GRIN2B: variants seen among roughly 807,000 people sequenced by gnomAD.
GRIN2B encodes the protein glutamate ionotropic receptor NMDA type subunit 2B.
A neutral mutation model predicts 114.5 loss-of-function variants in GRIN2B; 5 were observed. The ratio of observed to expected loss-of-function variants is 0.04; its 90% CI spans 0.02 to 0.09. The LOEUF is 0.09. Ranked by LOEUF, GRIN2B falls within the 10% of genes least tolerant of loss-of-function variation. GRIN2B has a pLI of 1.00. For synonymous variants in GRIN2B, 787 were observed against 745.1 expected (o/e 1.06, Z -0.92); for missense variants, 1,108 against 1,943.5 (o/e 0.57, Z 8.08).
chr12:13,911,043 A>G (rs1233595299), intron 2 of GRIN2B, among the ~76,000 whole-genome samples: 1 of 152,026 alleles, frequency 6.6e-6, no homozygotes, highest in Non-Finnish European at 1.5e-5. Flanking sequence ...TCCCTGGACC[A>G]GGCCCTTTCT....
At chr12:13,765,056 C>T (rs908137199) in intron 3 of GRIN2B, among the ~76,000 whole-genome samples, 14 of 152,186 alleles carry the variant, frequency 9.2e-5, no homozygotes, top group Non-Finnish European at 1.6e-4. Context: ...CTCACATCGG[C>T]CAACTGTGAA....
At chr12:13,773,865 C>T (rs539093959) in intron 3 of GRIN2B, among the ~76,000 whole-genome samples, 1 of 152,198 alleles carries the variant, frequency 6.6e-6, no homozygotes, top group Non-Finnish European at 1.5e-5. Context: ...AAGGCTGAAT[C>T]TGGAAGTCCT....
intron 2 of GRIN2B, among the ~76,000 whole-genome samples, chr12:13,889,091 C>A (rs1483989908): frequency 2.6e-5 from 4 of 152,076 alleles, no homozygotes; most frequent in African/African-American, 9.7e-5. Flanking sequence ...ATTCTATAAG[C>A]TTTTTTCTAT....
intron 4 of GRIN2B, among the ~76,000 whole-genome samples, chr12:13,751,045 A>G (rs1220193001): frequency 6.6e-6 from 1 of 152,218 alleles, no homozygotes; most frequent in Non-Finnish European, 1.5e-5. Context: ...CAGGTAAGGG[A>G]ACATCAGCAC....
intron 3 of GRIN2B, among the ~76,000 whole-genome samples, chr12:13,768,989 G>A (rs1239338188): frequency 2.0e-5 from 3 of 152,080 alleles, no homozygotes; most frequent in Non-Finnish European, 4.4e-5. Context: ...AGCCGAGATC[G>A]CACCACTGCA....
intron 3 of GRIN2B, among the ~76,000 whole-genome samples, chr12:13,831,668 G>A (rs1213714951): frequency 6.6e-6 from 1 of 152,204 alleles, no homozygotes; most frequent in Non-Finnish European, 1.5e-5. Flanking sequence ...CCCGGTAACT[G>A]CCACCCACAA....
chr12:13,657,857 C>A (rs1234069477), intron 5 of GRIN2B, among the ~76,000 whole-genome samples: 1 of 152,106 alleles, frequency 6.6e-6, no homozygotes, highest in Non-Finnish European at 1.5e-5. Context: ...GATTATAAAA[C>A]AGGATGTATA....
chr12:13,576,520 G>A (rs545836316), intron 10 of GRIN2B, among the ~76,000 whole-genome samples: 1 of 151,876 alleles, frequency 6.6e-6, no homozygotes, highest in African/African-American at 2.4e-5. Flanking sequence ...AGGGAAATGT[G>A]TATAGTACTC....
At chr12:13,567,551 A>G (rs1253656816) in intron 12 of GRIN2B, among the ~76,000 whole-genome samples, 2 of 152,224 alleles carry the variant, frequency 1.3e-5, no homozygotes, top group Non-Finnish European at 2.9e-5. Context: ...TCTAGCCTGT[A>G]TAAATTGGCA....
chr12:13,607,270 TAAA>T (rs1168030843), intron 10 of GRIN2B, among the ~76,000 whole-genome samples: 2 of 27,362 alleles, frequency 7.3e-5, no homozygotes, highest in African/African-American at 2.6e-4. Context: ...ATATAATATA[TAAA>T]ATATATAATA....
chr12:13,803,117 T>C (rs1216732648), intron 3 of GRIN2B, among the ~76,000 whole-genome samples: 2 of 152,162 alleles, frequency 1.3e-5, no homozygotes, highest in African/African-American at 4.8e-5. Flanking sequence ...TTAATAACAT[T>C]TTGTTTTCAG....
At chr12:13,875,550 A>T (rs1865980918) in intron 2 of GRIN2B, among the ~76,000 whole-genome samples, 2 of 152,102 alleles carry the variant, frequency 1.3e-5, no homozygotes, top group Admixed American at 1.3e-4. Context: ...GTAAAAAATA[A>T]AATGAAATGT....
At chr12:13,640,331 A>G (rs1199999053) in intron 5 of GRIN2B, among the ~76,000 whole-genome samples, 2 of 152,292 alleles carry the variant, frequency 1.3e-5, no homozygotes, top group South Asian at 2.1e-4. Context: ...TAGCCTGTGT[A>G]GATTCAGTTT....
At chr12:13,901,571 T>G (rs1420200097) in intron 2 of GRIN2B, among the ~76,000 whole-genome samples, 2 of 152,092 alleles carry the variant, frequency 1.3e-5, no homozygotes, top group African/African-American at 4.8e-5. Context: ...TAAACCTAAT[T>G]TAATTTAAAT....
intron 3 of GRIN2B, among the ~76,000 whole-genome samples, chr12:13,757,673 A>T (rs1051361831): frequency 6.6e-6 from 1 of 152,140 alleles, no homozygotes; most frequent in East Asian, 1.9e-4. Flanking sequence ...TCACCTCAAG[A>T]GCATCTTTAA....
At chr12:13,878,056 T>C (rs2136761190) in intron 2 of GRIN2B, among the ~76,000 whole-genome samples, 1 of 89,566 alleles carries the variant, frequency 1.1e-5, no homozygotes, top group African/African-American at 4.8e-5. Flanking sequence ...AGAGCAAGAC[T>C]CTGTCTCAAA....
intron 3 of GRIN2B, among the ~76,000 whole-genome samples, chr12:13,765,695 A>T (rs1350138592): frequency 6.6e-6 from 1 of 152,264 alleles, no homozygotes; most frequent in African/African-American, 2.4e-5. Flanking sequence ...TCCATGCAGT[A>T]TGTGAATATA....
chr12:13,898,622 G>A (rs1028004825), intron 2 of GRIN2B, among the ~76,000 whole-genome samples: 5 of 152,182 alleles, frequency 3.3e-5, no homozygotes, highest in African/African-American at 7.2e-5. Context: ...AAAAAATGAC[G>A]ACAACTGGGC....
intron 2 of GRIN2B, among the ~76,000 whole-genome samples, chr12:13,879,516 A>C (rs1296990870): frequency 6.7e-6 from 1 of 149,492 alleles, no homozygotes; most frequent in African/African-American, 2.5e-5. Flanking sequence ...AATTAGAATT[A>C]GTAAAAAAAA....
Sources: allele counts gnomAD v4.1 joint callset (sites outside exome capture counted in the v4.1 genomes callset), GRCh38; gene constraint gnomAD v4.1.1; transcripts MANE v1.5; gene names NCBI Gene and HGNC (gene_info 2026-07-23, HGNC 2026-07-21).